The following LRRC18 variants were observed in gnomAD, a reference collection of about 807,000 sequenced individuals.
LRRC18 encodes leucine rich repeat containing 18.
In LRRC18, 12 loss-of-function variants were observed where a neutral mutation model predicts 11.2. The ratio of observed to expected loss-of-function variants is 1.07; its 90% CI spans 0.69 to 1.74. LRRC18 has a LOEUF of 1.74. Among genes scored for constraint, LRRC18 ranks in the 40% most tolerant of loss-of-function variants. The probability of loss-of-function intolerance (pLI) is 0.00; values close to 1 mark genes in which losing one functional copy is unlikely to be tolerated. For synonymous variants in LRRC18, 155 were observed against 130.6 expected (o/e 1.19, Z -1.27); for missense variants, 374 against 330.5 (o/e 1.13, Z -1.02).
chr10:48,921,958 C>T, the LRRC18 span, among the ~76,000 whole-genome samples: 5 of 152,132 alleles, frequency 3.3e-5, no homozygotes, highest in South Asian at 8.3e-4. Flanking sequence ...GGCATTTTCC[C>T]AACTAAGTAT....
upstream of LRRC18, among the ~76,000 whole-genome samples, chr10:48,919,006 A>G (rs1267946837): frequency 2.6e-5 from 4 of 152,224 alleles, no homozygotes; most frequent in Admixed American, 6.5e-5. Context: ...TCTACCTAGC[A>G]ACTGCAGAAT....
chr10:48,925,675 T>C, the LRRC18 span, among the ~76,000 whole-genome samples: 2 of 152,082 alleles, frequency 1.3e-5, no homozygotes, highest in Non-Finnish European at 2.9e-5. Flanking sequence ...CTCACAGCAG[T>C]AGCTCCACCA....
chr10:48,914,170 G>A (rs769854827), exon 1 of LRRC18: 1 of 1,606,870 alleles, frequency 6.2e-7, no homozygotes, highest in South Asian at 1.1e-5. Flanking sequence ...TTTTAGTAAG[G>A]GAGTGTTAGA....
chr10:48,917,947 C>T (rs1838703217), upstream of LRRC18, among the ~76,000 whole-genome samples: 1 of 152,148 alleles, frequency 6.6e-6, no homozygotes, highest in Non-Finnish European at 1.5e-5. Context: ...ACAACTACTA[C>T]ATAACGGGGA....
intron 1 of LRRC18, chr10:48,910,987 G>A (rs1359977477): frequency 1.2e-5 from 10 of 802,704 alleles, no homozygotes; most frequent in African/African-American, 1.9e-5. Context: ...GTCTGAAGGG[G>A]GAGAAATTGA....
chr10:48,913,341 C>G (rs773961072), intron 1 of LRRC18, 51 bp downstream of exon 3: 19 of 1,559,424 alleles, frequency 1.2e-5, no homozygotes, highest in Admixed American at 8.8e-5. Flanking sequence ...CCACTGCCCT[C>G]TTCCCTCCCT....
upstream of LRRC18, among the ~76,000 whole-genome samples, chr10:48,917,708 C>G (rs1354221348): frequency 6.6e-6 from 1 of 152,142 alleles, no homozygotes; most frequent in Non-Finnish European, 1.5e-5. Context: ...TTGCCACTAA[C>G]TAAGCTGCTG....
chr10:48,914,593 G>T (rs1838333088), upstream of LRRC18, among the ~76,000 whole-genome samples: 1 of 152,126 alleles, frequency 6.6e-6, no homozygotes. Flanking sequence ...CTAGACCCCT[G>T]CATTAAGCTA....
the LRRC18 span, among the ~76,000 whole-genome samples, chr10:48,919,800 G>A: frequency 6.6e-6 from 1 of 152,132 alleles, no homozygotes; most frequent in Non-Finnish European, 1.5e-5. Flanking sequence ...TTTCAATACA[G>A]ATTTTTGGGG....
chr10:48,914,066 C>A (rs770655528), exon 1 of LRRC18: 2 of 1,614,092 alleles, frequency 1.2e-6, no homozygotes, highest in South Asian at 1.1e-5. Context: ...AGTCAAGGCG[C>A]TTTTTCCCAT....
exon 1 of LRRC18, chr10:48,914,121 T>C (rs763222470): frequency 1.2e-6 from 2 of 1,614,146 alleles, no homozygotes; most frequent in South Asian, 1.1e-5. Context: ...GAGGGTGATC[T>C]TCTTGCCCTT....
the LRRC18 span, among the ~76,000 whole-genome samples, chr10:48,929,385 G>A: frequency 2.0e-5 from 3 of 152,192 alleles, no homozygotes; most frequent in Non-Finnish European, 4.4e-5. Flanking sequence ...GCTCCAGCAG[G>A]AAGCTATTGT....
chr10:48,939,229 G>A, the LRRC18 span, among the ~76,000 whole-genome samples: 1 of 152,208 alleles, frequency 6.6e-6, no homozygotes, highest in Admixed American at 6.5e-5. Flanking sequence ...TCCTCCAAGA[G>A]TAGAAAAGAA....
chr10:48,920,118 A>G, the LRRC18 span, among the ~76,000 whole-genome samples: 196 of 133,130 alleles, frequency 1.5e-3, 2 homozygotes, highest in African/African-American at 5.2e-3. Flanking sequence ...TTAACAGACT[A>G]AAAAGAAAAA....
At chr10:48,939,723 TA>T in the LRRC18 span, among the ~76,000 whole-genome samples, 1 of 152,220 alleles carries the variant, frequency 6.6e-6, no homozygotes, top group Non-Finnish European at 1.5e-5. Flanking sequence ...TTTAAAACAA[TA>T]TTTTTAAAAA....
chr10:48,933,379 C>A, the LRRC18 span, among the ~76,000 whole-genome samples: 1 of 152,222 alleles, frequency 6.6e-6, no homozygotes, highest in South Asian at 2.1e-4. Context: ...CGACTGGAGC[C>A]AGCATCTCTC....
At chr10:48,918,521 C>CA (rs1202829383), upstream of LRRC18, among the ~76,000 whole-genome samples, 1 of 151,728 alleles carries the variant, frequency 6.6e-6, no homozygotes, top group Non-Finnish European at 1.5e-5. Flanking sequence ...ACCAATAGGA[C>CA]AAAAAAATCC....
the LRRC18 span, among the ~76,000 whole-genome samples, chr10:48,937,932 A>G: frequency 1.3e-5 from 2 of 152,116 alleles, no homozygotes; most frequent in East Asian, 3.9e-4. Flanking sequence ...TACCCCTGCC[A>G]CACTCTGCCC....
the LRRC18 span, among the ~76,000 whole-genome samples, chr10:48,933,020 G>T: frequency 3.3e-5 from 5 of 152,156 alleles, no homozygotes; most frequent in Admixed American, 1.3e-4. Context: ...AACGCTGGCC[G>T]TGGGGAGGCA....
Sources: allele counts gnomAD v4.1 joint callset (sites outside exome capture counted in the v4.1 genomes callset), GRCh38; gene constraint gnomAD v4.1.1; transcripts MANE v1.5; gene names NCBI Gene and HGNC (gene_info 2026-07-23, HGNC 2026-07-21).